The following UNC5D variants were observed in gnomAD, a reference collection of about 807,000 sequenced individuals.
UNC5D encodes the protein netrin receptor UNC5D.
UNC5D carries 39 observed loss-of-function variants against 105.4 expected under a neutral mutation model. The ratio of observed to expected loss-of-function variants is 0.37; its 90% CI spans 0.29 to 0.48. The LOEUF (loss-of-function observed/expected upper bound fraction) is 0.48, where lower values mean the gene tolerates loss of function less well. UNC5D is among the 20% of genes least tolerant of loss of function. The pLI is 0.98. For synonymous variants in UNC5D, 452 were observed against 450.4 expected, an observed-to-expected ratio of 1.00 and a Z score of -0.04; for missense variants, 991 against 1,202.4, an observed-to-expected ratio of 0.82 and a Z score of 2.60.
intron 1 of UNC5D, among the ~76,000 whole-genome samples, chr8:35,243,384 A>G (rs1185711488): frequency 6.6e-6 from 1 of 152,190 alleles, no homozygotes; most frequent in East Asian, 1.9e-4. Flanking sequence ...CCAGTTTCAC[A>G]ATATTTTAAA....
At chr8:35,463,995 A>T (rs2129706384) in intron 1 of UNC5D, among the ~76,000 whole-genome samples, 1 of 152,224 alleles carries the variant, frequency 6.6e-6, no homozygotes, top group Non-Finnish European at 1.5e-5. Context: ...GCCCATAGTA[A>T]CTTGCAGATT....
At chr8:35,469,259 A>T (rs575494386) in intron 1 of UNC5D, among the ~76,000 whole-genome samples, 1 of 152,170 alleles carries the variant, frequency 6.6e-6, no homozygotes, top group East Asian at 1.9e-4. Context: ...CAGCCCATTT[A>T]TGTTCTATGA....
chr8:35,676,891 C>T (rs1294171806), intron 4 of UNC5D, among the ~76,000 whole-genome samples: 2 of 149,240 alleles, frequency 1.3e-5, no homozygotes, highest in East Asian at 3.9e-4. Context: ...ATCTACATCT[C>T]ACTCATGAAT....
chr8:35,702,431 T>G (rs1394275648), intron 7 of UNC5D, among the ~76,000 whole-genome samples: 1 of 151,920 alleles, frequency 6.6e-6, no homozygotes, highest in African/African-American at 2.4e-5. Flanking sequence ...CCCAGGTGAT[T>G]CTAATATGCA....
At chr8:35,543,334 T>C (rs1393667451) in intron 1 of UNC5D, among the ~76,000 whole-genome samples, 1 of 152,198 alleles carries the variant, frequency 6.6e-6, no homozygotes, top group Non-Finnish European at 1.5e-5. Flanking sequence ...CGTCTCAAAA[T>C]CTCTTGATGC....
At chr8:35,335,070 T>C (rs920801536) in intron 1 of UNC5D, among the ~76,000 whole-genome samples, 2 of 152,196 alleles carry the variant, frequency 1.3e-5, no homozygotes, top group African/African-American at 4.8e-5. Context: ...TTGTCAAAAT[T>C]TTTTCACTTT....
chr8:35,323,569 A>G (rs1422572202), intron 1 of UNC5D, among the ~76,000 whole-genome samples: 1 of 152,218 alleles, frequency 6.6e-6, no homozygotes, highest in Admixed American at 6.5e-5. Flanking sequence ...GTGATAGGCA[A>G]TAGAAATATT....
At chr8:35,579,383 G>T (rs1818323948) in intron 3 of UNC5D, among the ~76,000 whole-genome samples, 1 of 152,046 alleles carries the variant, frequency 6.6e-6, no homozygotes, top group African/African-American at 2.4e-5. Context: ...ATAAAATATT[G>T]TCCATTTCTT....
At chr8:35,620,954 A>G (rs1393279915) in intron 4 of UNC5D, among the ~76,000 whole-genome samples, 1 of 152,154 alleles carries the variant, frequency 6.6e-6, no homozygotes, top group African/African-American at 2.4e-5. Flanking sequence ...AACACTGTTG[A>G]CGTTTGGGGT....
chr8:35,535,527 G>A (rs1814770145), intron 1 of UNC5D, among the ~76,000 whole-genome samples: 1 of 151,322 alleles, frequency 6.6e-6, no homozygotes. Context: ...TGTACATAAA[G>A]CTCTTTACCA....
In UNC5D at chr8:35,544,496, TC is replaced by T. The variant is rs376795550; in HGVS notation, c.104-4794del. 432 of 1,613,666 alleles carry T rather than the reference TC, an allele frequency of 2.7e-4. No homozygotes were observed. The African/African-American group carries it at 5.3e-3, about 20-fold the overall frequency. Reference sequence around the variant, plus strand: ...TCTCAGTGATGTCTGTGCTGGGACTTCCGGGTTCCTGTTGGACTTTTCCTCC... The same window carrying T: ...TCTCAGTGATGTCTGTGCTGGGACTTCGGGTTCCTGTTGGACTTTTCCTCC... On this transcript the variant is annotated intron_variant, in intron 1 of 16. Coordinates refer to ENST00000404895, the MANE Select transcript of UNC5D (RefSeq NM_080872.4).
intron 1 of UNC5D, among the ~76,000 whole-genome samples, chr8:35,361,475 C>T (rs549603625): frequency 2.0e-5 from 3 of 152,232 alleles, no homozygotes; most frequent in Middle Eastern, 6.8e-3. Context: ...AAAGGTCATT[C>T]GTCTAAGTGT....
At chr8:35,308,422 G>A (rs766255839) in intron 1 of UNC5D, among the ~76,000 whole-genome samples, 1 of 152,030 alleles carries the variant, frequency 6.6e-6, no homozygotes, top group African/African-American at 2.4e-5. Context: ...CTACCCCAGG[G>A]AAGTCCAATT....
chr8:35,756,498 A>G (rs914603587), intron 13 of UNC5D, among the ~76,000 whole-genome samples: 9 of 151,896 alleles, frequency 5.9e-5, no homozygotes, highest in Admixed American at 1.3e-4. Context: ...TGCACCAGTG[A>G]AAAATCATTT....
chr8:35,514,352 G>C (rs1418804794), intron 1 of UNC5D, among the ~76,000 whole-genome samples: 1 of 152,192 alleles, frequency 6.6e-6, no homozygotes, highest in Non-Finnish European at 1.5e-5. Flanking sequence ...GTGAGCAAAT[G>C]AGGGCTTTTG....
chr8:35,702,440 CAGCCAACACCACTA>C (rs1436147471), intron 7 of UNC5D, among the ~76,000 whole-genome samples: 3 of 151,946 alleles, frequency 2.0e-5, no homozygotes, highest in Non-Finnish European at 4.4e-5. Context: ...TTCTAATATG[CAGCCAACACCACTA>C]AGCCAACACC....
intron 1 of UNC5D, among the ~76,000 whole-genome samples, chr8:35,521,932 A>G (rs1813510838): frequency 6.6e-6 from 1 of 152,216 alleles, no homozygotes; most frequent in Non-Finnish European, 1.5e-5. Context: ...AGCCTTAATC[A>G]GAACGTTTTC....
chr8:35,633,153 T>G (rs1822147123), intron 4 of UNC5D, among the ~76,000 whole-genome samples: 1 of 152,194 alleles, frequency 6.6e-6, no homozygotes, highest in South Asian at 2.1e-4. Flanking sequence ...CCTGCAATAT[T>G]TCAGGGCTCC....
chr8:35,236,000 C>A (rs1224928079), intron 1 of UNC5D, 113 bp downstream of exon 1: 2 of 950,738 alleles, frequency 2.1e-6, no homozygotes, highest in Non-Finnish European at 2.7e-6. Context: ...TGCACCTCGG[C>A]GCTCCAAGCC....
Sources: allele counts gnomAD v4.1 joint callset (sites outside exome capture counted in the v4.1 genomes callset), GRCh38; gene constraint gnomAD v4.1.1; transcripts MANE v1.5; gene names NCBI Gene and HGNC (gene_info 2026-07-23, HGNC 2026-07-21).